PACRGL: variants seen among roughly 807,000 people sequenced by gnomAD.
The protein encoded by PACRGL is parkin coregulated like.
PACRGL carries 38 observed loss-of-function variants against 34.5 expected under a neutral mutation model. The ratio of observed to expected loss-of-function variants is 1.10; its 90% CI spans 0.85 to 1.44. The LOEUF (loss-of-function observed/expected upper bound fraction) is 1.44, where lower values mean the gene tolerates loss of function less well. Among genes scored for constraint, PACRGL ranks in the 40% most tolerant of loss-of-function variants. PACRGL has a pLI of 0.00. For synonymous variants in PACRGL, 128 were observed against 100.1 expected (o/e 1.28, Z -1.66); for missense variants, 305 against 281.4 (o/e 1.08, Z -0.60).
rs1372438597 is a variant in PACRGL, at chr4:20,729,951, A to AAAAC, written c.*2614_*2617dup. The AAAAC allele has an allele frequency of 3.3e-5, 36 of 1,107,680 alleles. No individual in the cohort carries two copies. In the Admixed American group the frequency reaches 6.4e-4, roughly 20 times the overall value. The allele number at this position is 1,107,680 out of a possible 1,614,324, so 68.6% of individuals were successfully genotyped here. On this transcript the variant is annotated 3_prime_UTR_variant, in exon 9 of 9. Transcript: ENST00000503585. ...AATCTTTTGGGGATTGCTTTATATT[A>AAAAC]AAACAAAGCTTGTTTGCATAATATG...
intron 3 of PACRGL, among the ~76,000 whole-genome samples, chr4:20,707,273 G>C (rs1560298897): frequency 0.016 from 2,487 of 152,238 alleles, 1 homozygote; most frequent in African/African-American, 0.057. Flanking sequence ...TAGCAAAACT[G>C]AAAGGTTATG....
intron 8 of PACRGL, among the ~76,000 whole-genome samples, chr4:20,745,489 A>C (rs1752225646): frequency 6.6e-6 from 1 of 152,190 alleles, no homozygotes. Flanking sequence ...TGCTTTTCTG[A>C]GTTGTAATTG....
chr4:20,734,781 AC>A, downstream of PACRGL: 4 of 1,177,488 alleles, frequency 3.4e-6, no homozygotes, highest in Non-Finnish European at 4.8e-6. Context: ...TTTTAAAAAA[AC>A]AAAAACAAAA....
At chr4:20,746,848 C>G (rs187380186) in intron 8 of PACRGL, among the ~76,000 whole-genome samples, 63 of 152,222 alleles carry the variant, frequency 4.1e-4, no homozygotes, top group African/African-American at 1.3e-3. Flanking sequence ...TCCCATTACC[C>G]TTTATCGTAG....
At chr4:20,736,836 C>G (rs898251376), downstream of PACRGL, among the ~76,000 whole-genome samples, 4 of 152,088 alleles carry the variant, frequency 2.6e-5, no homozygotes, top group African/African-American at 9.7e-5. Context: ...GCAAGGGACC[C>G]TGAATAGCCC....
rs771090342 is a variant in PACRGL, at chr4:20,707,775, A to T, written c.208-28A>T. On this transcript the variant is annotated intron_variant, in intron 3 of 8. Transcript: ENST00000503585. ...GCTTCTGACCTCAGAAGTATAGGTG[A>T]TAGTAATATTTTCATTTTTTATTTT... The T allele has an allele frequency of 2.5e-6, 4 of 1,591,642 alleles. No homozygotes were observed. The Admixed American group carries it at 6.7e-5, about 27-fold the overall frequency.
chr4:20,730,273 A>G lies in PACRGL; in HGVS notation c.*2932A>G. ...CAAATATTAAGTGTTTGCAAATGTAAATGCCATTCTATTCTATCCATTTTC... is the reference window on the plus strand; with the variant it reads ...CAAATATTAAGTGTTTGCAAATGTAGATGCCATTCTATTCTATCCATTTTC... On this transcript the variant is annotated 3_prime_UTR_variant, in exon 9 of 9. Coordinates refer to ENST00000503585, the MANE Select transcript of PACRGL (RefSeq NM_001258345.3). The G allele has an allele frequency of 9.6e-7, 1 of 1,042,308 alleles. No homozygotes were observed. The highest frequency in any genetic ancestry group is 1.3e-6 in the Non-Finnish European group (1 of 760,502). The allele number at this position is 1,042,308 out of a possible 1,614,324, so 64.6% of individuals were successfully genotyped here.
In PACRGL at chr4:20,709,139, C is replaced by CA. The variant is rs35744899; in HGVS notation, c.276-536dup. 9.9e-4 allele frequency among the ~76,000 whole-genome samples: 150 copies of CA among 151,678 alleles called. 1 individual carries two copies. Among genetic ancestry groups the CA allele is most frequent in the Non-Finnish European group, 1.8e-3 (119 of 67,844 alleles). On this transcript the variant is annotated intron_variant, in intron 4 of 8. Transcript: ENST00000503585. ...GGGCAACAAGAGTGAAACTTCGTCTCAAAAAAAAGCAGTTAAAAGAAGCAG... is the reference window on the plus strand; with the variant it reads ...GGGCAACAAGAGTGAAACTTCGTCTCAAAAAAAAAGCAGTTAAAAGAAGCAG...
intron 7 of PACRGL, among the ~76,000 whole-genome samples, chr4:20,720,026 C>CAT (rs768997799): frequency 1.8e-4 from 28 of 152,260 alleles, no homozygotes; most frequent in South Asian, 8.3e-4. Flanking sequence ...GTATTGGGTG[C>CAT]ATATATATTT....
chr4:20,755,888 G>T (rs572659718), downstream of PACRGL, among the ~76,000 whole-genome samples: 138 of 152,194 alleles, frequency 9.1e-4, no homozygotes, highest in African/African-American at 3.1e-3. Context: ...GCTGGGTGGG[G>T]TAAGTTGGGT....
intron 5 of PACRGL, among the ~76,000 whole-genome samples, chr4:20,711,935 C>G (rs1449232129): frequency 2.0e-5 from 3 of 151,934 alleles, no homozygotes; most frequent in Non-Finnish European, 2.9e-5. Context: ...ATATAAAATA[C>G]TTAAATATGA....
chr4:20,741,787 G>A (rs10003206), intron 8 of PACRGL, among the ~76,000 whole-genome samples: 12 of 151,934 alleles, frequency 7.9e-5, no homozygotes, highest in Admixed American at 6.6e-4. Flanking sequence ...AGGAGCTGGT[G>A]TTTTGAAAAG....
At chr4:20,704,339 C>A in intron 1 of PACRGL, 127 bp from the exon 2 acceptor site, 1 of 747,090 alleles carries the variant, frequency 1.3e-6, no homozygotes, top group Non-Finnish European at 2.2e-6. Flanking sequence ...CAGTATTTTG[C>A]TCCATATCAA....
downstream of PACRGL, chr4:20,734,730 G>A (rs377521011): frequency 6.2e-5 from 95 of 1,534,356 alleles, no homozygotes; most frequent in Middle Eastern, 1.7e-3. Flanking sequence ...GACCTTTGAT[G>A]AAATCCTGAA....
chr4:20,737,213 C>T (rs1403807810), downstream of PACRGL, among the ~76,000 whole-genome samples: 1 of 152,124 alleles, frequency 6.6e-6, no homozygotes, highest in African/African-American at 2.4e-5. Context: ...AGAGGAGAAG[C>T]TGGCAAAGCA....
chr4:20,762,445 C>T, the PACRGL span, among the ~76,000 whole-genome samples: 1 of 152,232 alleles, frequency 6.6e-6, no homozygotes, highest in Non-Finnish European at 1.5e-5. Context: ...TTTATTTATT[C>T]CCAGAGATTT....
the PACRGL span, among the ~76,000 whole-genome samples, chr4:20,761,792 A>C: frequency 6.6e-6 from 1 of 152,234 alleles, no homozygotes; most frequent in South Asian, 2.1e-4. Context: ...TATCTGTGTC[A>C]GAGGAAACCT....
downstream of PACRGL, among the ~76,000 whole-genome samples, chr4:20,735,538 T>TG (rs1339271077): frequency 6.8e-6 from 1 of 146,952 alleles, no homozygotes; most frequent in Non-Finnish European, 1.5e-5. Flanking sequence ...TTGTTTTTTT[T>TG]TTTTTTTTTG....
At chr4:20,698,188 G>T (rs1731317995), upstream of PACRGL, among the ~76,000 whole-genome samples, 1 of 152,090 alleles carries the variant, frequency 6.6e-6, no homozygotes, top group Non-Finnish European at 1.5e-5. Flanking sequence ...CAGCATCCCA[G>T]AGCAAATAAC....
Sources: gnomAD v4.1 joint callset for allele counts (sites outside exome capture counted in the v4.1 genomes callset) on GRCh38, gnomAD v4.1.1 for gene constraint, MANE v1.5 for transcripts, NCBI Gene and HGNC (gene_info 2026-07-23, HGNC 2026-07-21) for gene names.